LRRC36: variants seen among roughly 807,000 people sequenced by gnomAD.
LRRC36 encodes leucine-rich repeat-containing protein 36.
LRRC36 carries 62 observed loss-of-function variants against 81.1 expected under a neutral mutation model. That is an observed-to-expected ratio of 0.76 (90% CI 0.62 to 0.94). The LOEUF (loss-of-function observed/expected upper bound fraction) is 0.94, where lower values mean the gene tolerates loss of function less well. LRRC36 is among the 40% of genes least tolerant of loss of function. The pLI is 0.00. For missense variants in LRRC36, 761 were observed against 881.7 expected (o/e 0.86, Z 1.73); for synonymous variants, 334 against 348.6 (o/e 0.96, Z 0.47).
chr16:67,348,802 G>A (rs374266685), intron 4 of LRRC36, among the ~76,000 whole-genome samples: 4 of 152,108 alleles, frequency 2.6e-5, no homozygotes, highest in Admixed American at 2.0e-4. Context: ...TGCTAGAACC[G>A]TGTCTGGAAT....
chr16:67,367,052 C>A lies in LRRC36; in HGVS notation c.790C>A (p.Arg264=). The change falls in exon 8 of 14, where the codon CGA becomes AGA. Residue 264 remains arginine (R), a synonymous_variant. Coordinates refer to ENST00000329956, the MANE Select transcript of LRRC36 (RefSeq NM_018296.6). ...CTACTCGCCTCGTCAGTCCACAGTCCGATCCCCAGAGAAGATGACTAGAGA... is the reference window on the plus strand; with the variant it reads ...CTACTCGCCTCGTCAGTCCACAGTCAGATCCCCAGAGAAGATGACTAGAGA... ...RHYSPRQSTV[R]SPEKMTREGY... is the part of the protein sequence containing the mutation. 6.2e-7 allele frequency: 1 copy of A among 1,613,394 alleles called. No individual in the cohort carries two copies. The highest frequency in any genetic ancestry group is 2.2e-5 in the East Asian group (1 of 44,862).
At chr16:67,376,974 G>A in intron 11 of LRRC36, 102 bp downstream of exon 11, 1 of 1,279,434 alleles carries the variant, frequency 7.8e-7, no homozygotes, top group Non-Finnish European at 1.0e-6. Flanking sequence ...CCAAAATATG[G>A]CAAAAGTCTG....
At chr16:67,332,887 T>A (rs958190567) in intron 1 of LRRC36, among the ~76,000 whole-genome samples, 5 of 151,788 alleles carry the variant, frequency 3.3e-5, no homozygotes, top group South Asian at 2.1e-4. Context: ...TTATTTATTT[T>A]ATTTATTTAT....
intron 2 of LRRC36, among the ~76,000 whole-genome samples, chr16:67,344,264 C>T (rs1240910355): frequency 6.6e-6 from 1 of 152,052 alleles, no homozygotes; most frequent in Non-Finnish European, 1.5e-5. Context: ...ATAAGAGTTT[C>T]CTTAATTTTT....
Position 67,346,411 on chromosome 16 carries a change from C to T in LRRC36, c.354C>T (p.Leu118=), listed in dbSNP as rs768273807. Residue 118 remains leucine, a synonymous_variant, in exon 3 of 14, where the codon CTC becomes CTT. Coordinates refer to ENST00000329956, the MANE Select transcript of LRRC36 (RefSeq NM_018296.6). The part of the protein sequence containing the change: ...PVVRKDTDYR[L]FAVYTLQTLE... ...TAAGGAAAGATACAGATTATAGGCT[C>T]TTTGCTGTATATACACTACAAACTC... The T allele has an allele frequency of 1.7e-5, 28 of 1,612,196 alleles. No individual in the cohort carries two copies. The highest frequency in any genetic ancestry group is 2.3e-5 in the Non-Finnish European group (27 of 1,178,824).
chr16:67,368,581 T>C (rs961382160), intron 8 of LRRC36, among the ~76,000 whole-genome samples: 1 of 152,134 alleles, frequency 6.6e-6, no homozygotes, highest in Admixed American at 6.6e-5. Context: ...GTAGAGTGTA[T>C]AGATGAAGTA....
rs764208351 is a variant in LRRC36, at chr16:67,371,187, A to G, written c.1439A>G (p.Asn480Ser). The G allele has an allele frequency of 5.0e-6, 8 of 1,614,072 alleles. No homozygotes were observed. Among genetic ancestry groups the G allele is most frequent in the Non-Finnish European group, 6.8e-6 (8 of 1,180,040 alleles). ...PSKRGFKWKD[N>S]ILANLNLKHG... ...AAGAGAGGATTCAAATGGAAGGACA[A>G]TATCCTTGCCAACCTGAATCTAAAG... Residue 480 changes from asparagine (N) to serine (S), a missense_variant, in exon 9 of 14, where the codon AAT becomes AGT. Asn to Ser is a conservative substitution (Grantham distance 46). Transcript: ENST00000329956.
Position 67,330,023 on chromosome 16 carries a change from G to T in LRRC36, c.70+3091G>T, listed in dbSNP as rs908374012. Among the ~76,000 whole-genome samples, 3 of 151,962 alleles carry T rather than the reference G, an allele frequency of 2.0e-5. No homozygotes were observed. In the South Asian group the frequency reaches 6.2e-4, roughly 32 times the overall value. On this transcript the variant is annotated intron_variant, in intron 1 of 13. Transcript: ENST00000329956. Reference sequence around the variant, plus strand: ...GTAGGCTCCCCATTTTTTTTCCCTCGCATTTTCAATTGTTTTTGAAGAAAC... The same window carrying T: ...GTAGGCTCCCCATTTTTTTTCCCTCTCATTTTCAATTGTTTTTGAAGAAAC...
chr16:67,365,587 CT>C (rs1421923942), intron 7 of LRRC36, among the ~76,000 whole-genome samples: 24 of 152,060 alleles, frequency 1.6e-4, no homozygotes, highest in Non-Finnish European at 2.8e-4. Flanking sequence ...GATGACTATT[CT>C]TTTTGTTACC....
chr16:67,365,000 G>A (rs1393855150), intron 6 of LRRC36: 1 of 272,824 alleles, frequency 3.7e-6, no homozygotes, highest in Admixed American at 5.0e-5. Flanking sequence ...CCTTTAAACA[G>A]AAAAAGCAAA....
intron 9 of LRRC36, among the ~76,000 whole-genome samples, chr16:67,372,700 G>A (rs932427681): frequency 1.4e-4 from 22 of 152,292 alleles, no homozygotes; most frequent in African/African-American, 4.6e-4. Context: ...GCCATTTCTA[G>A]TTACTTATTT....
Position 67,367,332 on chromosome 16 carries a change from A to G in LRRC36, c.1070A>G (p.Tyr357Cys), listed in dbSNP as rs756264618. The change falls in exon 8 of 14, where the codon TAT becomes TGT. Residue 357 changes from tyrosine to cysteine, a missense_variant. Transcript: ENST00000329956. ...AAAAGGCCTCAGAGAAGCAAGAACT[A>G]TCAAGAGTATAGCATAAAGCCTTCA... is the stretch of plus-strand genomic sequence containing the variant. ...LGKRPQRSKN[Y>C]QEYSIKPSND... The G allele has an allele frequency of 2.1e-5, 34 of 1,614,024 alleles. No homozygotes were observed. The South Asian group carries it at 3.3e-4, about 16-fold the overall frequency.
chr16:67,383,204 C>T (rs752219339), intron 13 of LRRC36, among the ~76,000 whole-genome samples: 1 of 151,732 alleles, frequency 6.6e-6, no homozygotes, highest in Non-Finnish European at 1.5e-5. Context: ...TACACATTTA[C>T]GAGGACTTTC....
chr16:67,379,200 G>T (rs1438100279), intron 12 of LRRC36, among the ~76,000 whole-genome samples: 2 of 152,132 alleles, frequency 1.3e-5, no homozygotes, highest in African/African-American at 4.8e-5. Context: ...AAAGCAGGAG[G>T]ATTGACTGAG....
At chr16:67,371,616 A>C in intron 9 of LRRC36, 1 of 297,928 alleles carries the variant, frequency 3.4e-6, no homozygotes, top group Non-Finnish European at 6.7e-6. Flanking sequence ...GCATGCCTGT[A>C]ATCCCAGCAC....
chr16:67,350,776 C>T (rs924921598), intron 5 of LRRC36, among the ~76,000 whole-genome samples: 3 of 152,188 alleles, frequency 2.0e-5, no homozygotes, highest in Non-Finnish European at 4.4e-5. Context: ...CAGTGGCTCA[C>T]GCCTGTAATC....
chr16:67,330,532 G>A (rs2037431246), intron 1 of LRRC36, among the ~76,000 whole-genome samples: 1 of 152,074 alleles, frequency 6.6e-6, no homozygotes, highest in South Asian at 2.1e-4. Context: ...GGACTGTTTT[G>A]CTTTCTCAGT....
At chr16:67,346,515 T>G (rs2038355662) in intron 3 of LRRC36, 67 bp downstream of exon 3, 2 of 1,056,892 alleles carry the variant, frequency 1.9e-6, no homozygotes, top group African/African-American at 3.2e-5. Context: ...CTTAACCTTT[T>G]GGATGTTGGC....
intron 1 of LRRC36, among the ~76,000 whole-genome samples, chr16:67,335,186 C>T (rs975653306): frequency 2.6e-5 from 4 of 152,150 alleles, no homozygotes; most frequent in South Asian, 2.1e-4. Flanking sequence ...GGGAGCACTA[C>T]GGGAGACCGG....
Sources: allele counts gnomAD v4.1 joint callset (sites outside exome capture counted in the v4.1 genomes callset), GRCh38; gene constraint gnomAD v4.1.1; transcripts MANE v1.5; gene names NCBI Gene and HGNC (gene_info 2026-07-23, HGNC 2026-07-21).